The following PRIM2 variants were observed in gnomAD, a reference collection of about 807,000 sequenced individuals.
PRIM2 encodes the protein DNA primase large subunit.
In PRIM2, 39 loss-of-function variants were observed where a neutral mutation model predicts 67.3. The observed-to-expected ratio is 0.58, with a 90% CI of 0.45 to 0.76. The LOEUF is 0.76. Ranked by LOEUF, PRIM2 falls within the 30% of genes least tolerant of loss-of-function variation. The pLI, the probability that PRIM2 is intolerant of heterozygous loss-of-function variation, is 0.00. For synonymous variants in PRIM2, 143 were observed against 198.7 expected (o/e 0.72, Z 2.36); for missense variants, 398 against 598.7 (o/e 0.66, Z 3.50).
intron 12 of PRIM2, among the ~76,000 whole-genome samples, chr6:57,611,700 T>C (rs1776669716): frequency 6.6e-6 from 1 of 152,144 alleles, no homozygotes; most frequent in African/African-American, 2.4e-5. Context: ...GAAAACAGCA[T>C]ATCTGCAGGA....
intron 7 of PRIM2, among the ~76,000 whole-genome samples, chr6:57,501,994 T>G (rs1554346914): frequency 2.0e-5 from 3 of 152,200 alleles, no homozygotes; most frequent in African/African-American, 7.2e-5. Context: ...CAGCCAATAT[T>G]TCTGCTTTAT....
At chr6:57,355,439 G>A (rs1318585961) in intron 5 of PRIM2, among the ~76,000 whole-genome samples, 2 of 152,196 alleles carry the variant, frequency 1.3e-5, no homozygotes, top group African/African-American at 4.8e-5. Context: ...ACAGACAACA[G>A]GTATGGGTCA....
the PRIM2 span, among the ~76,000 whole-genome samples, chr6:57,304,962 T>C: frequency 6.6e-6 from 1 of 152,242 alleles, no homozygotes; most frequent in Non-Finnish European, 1.5e-5. Context: ...TAATTCCACA[T>C]GCATCAGGAA....
At chr6:57,296,779 C>T in the PRIM2 span, among the ~76,000 whole-genome samples, 4 of 152,078 alleles carry the variant, frequency 2.6e-5, no homozygotes, top group Admixed American at 6.6e-5. Context: ...ATATCATTCT[C>T]TCATTAAAAA....
chr6:57,489,114 T>A (rs1581949058), intron 7 of PRIM2, among the ~76,000 whole-genome samples: 1 of 152,194 alleles, frequency 6.6e-6, no homozygotes, highest in Non-Finnish European at 1.5e-5. Flanking sequence ...TTCCCAAGGG[T>A]CCTTAAGCTG....
intron 10 of PRIM2, among the ~76,000 whole-genome samples, chr6:57,589,854 G>T (rs1316855178): frequency 2.0e-5 from 3 of 152,142 alleles, no homozygotes; most frequent in Non-Finnish European, 4.4e-5. Flanking sequence ...ACAGACAGAA[G>T]AGAGAGGCCT....
chr6:57,256,655 C>T, the PRIM2 span, among the ~76,000 whole-genome samples: 1 of 149,416 alleles, frequency 6.7e-6, no homozygotes, highest in African/African-American at 2.5e-5. Flanking sequence ...CACACACACA[C>T]ACACACACAT....
intron 5 of PRIM2, among the ~76,000 whole-genome samples, chr6:57,374,303 A>ATTT (rs778117079): frequency 2.1e-5 from 3 of 139,792 alleles, no homozygotes; most frequent in African/African-American, 7.9e-5. Context: ...TTATTTATTT[A>ATTT]TTTTTTTTGA....
chr6:57,568,823 A>C (rs1450346106), intron 10 of PRIM2, among the ~76,000 whole-genome samples: 1 of 152,230 alleles, frequency 6.6e-6, no homozygotes, highest in Non-Finnish European at 1.5e-5. Flanking sequence ...CATTAGAAAG[A>C]AAATTGGATC....
intron 7 of PRIM2, among the ~76,000 whole-genome samples, chr6:57,492,006 T>C (rs1773903102): frequency 6.6e-6 from 1 of 152,190 alleles, no homozygotes; most frequent in Non-Finnish European, 1.5e-5. Context: ...AATGGAATTT[T>C]CTACTGCGGG....
intron 7 of PRIM2, among the ~76,000 whole-genome samples, chr6:57,440,267 TTTTC>T (rs1772161477): frequency 6.6e-6 from 1 of 151,508 alleles, no homozygotes; most frequent in Non-Finnish European, 1.5e-5. Context: ...TAAATCCACA[TTTTC>T]TTTCTGTTTA....
At chr6:57,484,264 CAG>C (rs1773694782) in intron 7 of PRIM2, among the ~76,000 whole-genome samples, 1 of 152,172 alleles carries the variant, frequency 6.6e-6, no homozygotes, top group Non-Finnish European at 1.5e-5. Flanking sequence ...CTTTTTATAA[CAG>C]ATTCTAAAGC....
intron 10 of PRIM2, among the ~76,000 whole-genome samples, chr6:57,578,740 G>A (rs1195092446): frequency 0.084 from 11,936 of 142,672 alleles, 574 homozygotes; most frequent in East Asian, 0.21. Context: ...GCAGTGGCGC[G>A]ATCTCGGCTC....
intron 12 of PRIM2, among the ~76,000 whole-genome samples, chr6:57,619,733 G>T (rs1776818436): frequency 6.6e-6 from 1 of 152,162 alleles, no homozygotes; most frequent in African/African-American, 2.4e-5. Context: ...AAAAGAATAA[G>T]AAAATATGAA....
At chr6:57,546,792 T>G (rs1349472446) in intron 10 of PRIM2, among the ~76,000 whole-genome samples, 3 of 152,328 alleles carry the variant, frequency 2.0e-5, no homozygotes, top group Non-Finnish European at 4.4e-5. Context: ...CAAGAGAACA[T>G]TCCATTGTTG....
At chr6:57,595,123 A>G (rs1211960851) in intron 10 of PRIM2, among the ~76,000 whole-genome samples, 1 of 152,226 alleles carries the variant, frequency 6.6e-6, no homozygotes, top group Non-Finnish European at 1.5e-5. Context: ...AATGTTGGGG[A>G]GAATGTGGAA....
At chr6:57,463,405 T>A (rs1323033644) in intron 7 of PRIM2, among the ~76,000 whole-genome samples, 2 of 152,148 alleles carry the variant, frequency 1.3e-5, no homozygotes, top group African/African-American at 4.8e-5. Flanking sequence ...GCTGGGAGGA[T>A]CACTTGAGCT....
chr6:57,442,247 C>T (rs1772223223), intron 7 of PRIM2, among the ~76,000 whole-genome samples: 1 of 152,094 alleles, frequency 6.6e-6, no homozygotes, highest in African/African-American at 2.4e-5. Context: ...CTGTTTGTCC[C>T]ACAACTGAGT....
At chr6:57,241,644 A>G in the PRIM2 span, among the ~76,000 whole-genome samples, 1 of 151,626 alleles carries the variant, frequency 6.6e-6, no homozygotes, top group Non-Finnish European at 1.5e-5. Context: ...GGAGTATGGA[A>G]TTACTAGATT....
Sources: gnomAD v4.1 joint callset for allele counts (sites outside exome capture counted in the v4.1 genomes callset) on GRCh38, gnomAD v4.1.1 for gene constraint, MANE v1.5 for transcripts, NCBI Gene and HGNC (gene_info 2026-07-23, HGNC 2026-07-21) for gene names.